Variants in RNF169 observed in about 807,000 individuals in gnomAD.
RNF169 encodes E3 ubiquitin-protein ligase RNF169.
Under a neutral mutation model 53.9 loss-of-function variants are expected in RNF169, and 24 were observed. That is an observed-to-expected ratio of 0.45 (90% CI 0.32 to 0.63). RNF169 has a LOEUF of 0.63. Among genes scored for constraint, RNF169 ranks in the 20% least tolerant of loss-of-function variants. The probability of loss-of-function intolerance (pLI) is 0.04; values close to 1 mark genes in which losing one functional copy is unlikely to be tolerated. For synonymous variants in RNF169, 396 were observed against 363.5 expected (o/e 1.09, Z -1.02); for missense variants, 883 against 906.2 (o/e 0.97, Z 0.33).
At chr11:74,775,211 T>A (rs1162783905) in intron 1 of RNF169, among the ~76,000 whole-genome samples, 1 of 151,922 alleles carries the variant, frequency 6.6e-6, no homozygotes, top group Non-Finnish European at 1.5e-5. Context: ...GGAAATGGAA[T>A]GAGCTAAGTC....
chr11:74,776,497 T>C (rs1326787683), intron 1 of RNF169, among the ~76,000 whole-genome samples: 10 of 144,588 alleles, frequency 6.9e-5, no homozygotes, highest in Admixed American at 2.1e-4. Context: ...ATGAATCTCA[T>C]TGGTTCATTC....
rs191800562 is a variant in RNF169 at position 74,782,327 on chromosome 11, C to T, written c.503-7299C>T. Among the ~76,000 whole-genome samples the T allele has an allele frequency of 3.9e-5, 6 of 152,226 alleles. No individual in the cohort carries two copies. In the East Asian group the frequency reaches 1.2e-3, roughly 29 times the overall value. The stretch of plus-strand genomic sequence containing the variant: ...CGTCATATAGATCGGGGTCCCCAAC[C>T]CCTGGGCTGCGGACTGGTACCAGTC... On this transcript the variant is annotated intron_variant, in intron 1 of 5. Transcript: ENST00000299563.
intron 4 of RNF169, among the ~76,000 whole-genome samples, chr11:74,820,380 T>A (rs1012864806): frequency 6.6e-6 from 1 of 151,968 alleles, no homozygotes; most frequent in Non-Finnish European, 1.5e-5. Context: ...AGATTCTTCC[T>A]CTAAAATGGA....
chr11:74,836,777 C>A lies in RNF169; in HGVS notation c.*47C>A, dbSNP rs756425052. The A allele has an allele frequency of 1.4e-6, 2 of 1,406,808 alleles. No homozygotes were observed. Among genetic ancestry groups the A allele is most frequent in the Admixed American group, 2.0e-5 (1 of 50,998 alleles). The allele number at this position is 1,406,808 out of a possible 1,614,324, so 87.1% of individuals were successfully genotyped here. On this transcript the variant is annotated 3_prime_UTR_variant, in exon 6 of 6. Transcript: ENST00000299563. ...TTTTTAAAAGGTCTTAGGCCTTGAT[C>A]ATTTATCCTGAAGAGCTGAGTGTTC...
chr11:74,816,887 G>A (rs757216449), intron 3 of RNF169, among the ~76,000 whole-genome samples: 14 of 152,170 alleles, frequency 9.2e-5, no homozygotes, highest in Admixed American at 1.3e-4. Context: ...GTCACCAGCC[G>A]TTAAGCAGGG....
chr11:74,750,122 TAA>T (rs34558480), intron 1 of RNF169, among the ~76,000 whole-genome samples: 4,289 of 152,274 alleles, frequency 0.028, 77 homozygotes, highest in South Asian at 0.069. Context: ...TGCTGGCAAT[TAA>T]AAGTCTGTTG....
intron 2 of RNF169, among the ~76,000 whole-genome samples, chr11:74,809,051 CAG>C (rs1268319681): frequency 6.6e-6 from 1 of 152,064 alleles, no homozygotes; most frequent in African/African-American, 2.4e-5. Flanking sequence ...CTATAGAAAT[CAG>C]AAACATAAGG....
intron 1 of RNF169, among the ~76,000 whole-genome samples, chr11:74,772,207 G>T (rs1289108103): frequency 6.6e-6 from 1 of 152,134 alleles, no homozygotes; most frequent in Non-Finnish European, 1.5e-5. Context: ...ATTTATGCAG[G>T]TCATGTATGT....
intron 3 of RNF169, among the ~76,000 whole-genome samples, chr11:74,814,678 A>G (rs2035920250): frequency 6.6e-6 from 1 of 152,120 alleles, no homozygotes; most frequent in Non-Finnish European, 1.5e-5. Context: ...GGTGTGAGCC[A>G]CCATGCCCGG....
chr11:74,754,601 A>C (rs1384756769), intron 1 of RNF169, among the ~76,000 whole-genome samples: 1 of 152,198 alleles, frequency 6.6e-6, no homozygotes, highest in Non-Finnish European at 1.5e-5. Context: ...TGGGCGGATC[A>C]GTTGTGGCCA....
chr11:74,819,697 G>C (rs879628348), intron 4 of RNF169, among the ~76,000 whole-genome samples: 1 of 152,148 alleles, frequency 6.6e-6, no homozygotes, highest in African/African-American at 2.4e-5. Flanking sequence ...CTGTTTTTTA[G>C]ATTAGATTCC....
intron 1 of RNF169, among the ~76,000 whole-genome samples, chr11:74,777,345 A>G (rs563113639): frequency 1.3e-5 from 2 of 152,298 alleles, no homozygotes; most frequent in South Asian, 2.1e-4. Context: ...CTTAATTCCA[A>G]AGGATTTTGT....
chr11:74,810,041 A>G, intron 2 of RNF169, 143 bp from the exon 3 acceptor site: 1 of 679,486 alleles, frequency 1.5e-6, no homozygotes, highest in South Asian at 2.1e-5. Flanking sequence ...TTACTTAGAA[A>G]TCAAGAGGGC....
At chr11:74,784,395 CAA>C (rs141557664) in intron 1 of RNF169, among the ~76,000 whole-genome samples, 3,056 of 152,242 alleles carry the variant, frequency 0.02, 120 homozygotes, top group African/African-American at 0.07. Context: ...TTAAAGGACT[CAA>C]TACGTAGTTG....
intron 2 of RNF169, among the ~76,000 whole-genome samples, chr11:74,790,840 AGG>A (rs1303614567): frequency 6.6e-6 from 1 of 152,188 alleles, no homozygotes; most frequent in Non-Finnish European, 1.5e-5. Context: ...AGCCCCAAAG[AGG>A]GTGTCACAGC....
rs754380921 is a variant in RNF169, at chr11:74,841,460, ATCAG to A, written c.*4734_*4737del. 4 of 152,182 alleles carry A rather than the reference ATCAG, an allele frequency of 2.6e-5. No homozygotes were observed. Among genetic ancestry groups the A allele is most frequent in the African/African-American group, 9.7e-5 (4 of 41,436 alleles). 9.4% of individuals were successfully genotyped at this position (152,182 alleles called of 1,614,324 possible). A position where few individuals can be genotyped will look rare whatever the true frequency, so the allele number is the denominator to read the frequency against. On this transcript the variant is annotated 3_prime_UTR_variant, in exon 6 of 6. Coordinates refer to ENST00000299563, the MANE Select transcript of RNF169 (RefSeq NM_001098638.2). ...ATATGCAAGGGTCACCAGTTTAGAG[ATCAG>A]TCAAATTGGAAAAAGTGCCAAGACT... is the stretch of plus-strand genomic sequence containing the variant.
chr11:74,835,055 T>G (rs1352526013), intron 5 of RNF169, among the ~76,000 whole-genome samples: 3 of 152,108 alleles, frequency 2.0e-5, no homozygotes, highest in Non-Finnish European at 4.4e-5. Flanking sequence ...CAACCATAGC[T>G]CACTGAAGCC....
chr11:74,791,732 G>A (rs767536540), intron 2 of RNF169, among the ~76,000 whole-genome samples: 8 of 152,228 alleles, frequency 5.3e-5, no homozygotes, highest in Non-Finnish European at 1.0e-4. Flanking sequence ...GGGGGATGGA[G>A]GTAGGGGCGC....
At position 74,841,055 on chromosome 11, in the gene RNF169, G is replaced by T. The variant is rs888122846; in HGVS notation, c.*4325G>T. 1 of 152,014 alleles carries T rather than the reference G, an allele frequency of 6.6e-6. No homozygotes were observed. The highest frequency in any genetic ancestry group is 1.5e-5 in the Non-Finnish European group (1 of 68,014). 9.4% of individuals were successfully genotyped at this position (152,014 alleles called of 1,614,324 possible). A position where few individuals can be genotyped will look rare whatever the true frequency, so the allele number is the denominator to read the frequency against. On this transcript the variant is annotated 3_prime_UTR_variant, in exon 6 of 6. Transcript: ENST00000299563. Reference sequence around the variant, plus strand: ...GAGAAAGTCTCCATAGTATAAGTAAGTAATATGAATGTGGAATCTTGGAAA... The same window carrying T: ...GAGAAAGTCTCCATAGTATAAGTAATTAATATGAATGTGGAATCTTGGAAA...
Sources: gnomAD v4.1 joint callset for allele counts (sites outside exome capture counted in the v4.1 genomes callset) on GRCh38, gnomAD v4.1.1 for gene constraint, MANE v1.5 for transcripts, NCBI Gene and HGNC (gene_info 2026-07-23, HGNC 2026-07-21) for gene names.